OR8B2: variants seen among roughly 807,000 people sequenced by gnomAD.
The protein encoded by OR8B2 is olfactory receptor family 8 subfamily B member 2.
For synonymous variants in OR8B2, 98 were observed against 138.2 expected, an observed-to-expected ratio of 0.71 and a Z score of 2.04; for missense variants, 304 against 379.6, an observed-to-expected ratio of 0.80 and a Z score of 1.65.
the OR8B2 span, among the ~76,000 whole-genome samples, chr11:124,394,292 TA>T: frequency 6.6e-6 from 1 of 150,528 alleles, no homozygotes; most frequent in East Asian, 1.9e-4. Flanking sequence ...AATAAATAAA[TA>T]AAATCAGCTA....
At chr11:124,388,279 A>G (rs1860732375), upstream of OR8B2, among the ~76,000 whole-genome samples, 1 of 145,334 alleles carries the variant, frequency 6.9e-6, no homozygotes, top group Non-Finnish European at 1.5e-5. Flanking sequence ...TGCCCTGGCC[A>G]GAACTTCCAA....
rs1283755675 is a variant in OR8B2, at chr11:124,383,182, G to A, written c.162C>T (p.His54=). The A allele has an allele frequency of 6.2e-7, 1 of 1,613,966 alleles. No individual in the cohort carries two copies. Among genetic ancestry groups the A allele is most frequent in the Non-Finnish European group, 8.5e-7 (1 of 1,179,858 alleles). ...GLITLFGLNS[H]LHTPMYYFLF... is the part of the protein sequence containing the mutation. The stretch of plus-strand genomic sequence containing the variant: ...GGAAATAGTACATTGGTGTGTGGAG[G>A]TGAGAATTTAGACCGAAAAGAGTGA... Residue 54 remains histidine (H), a synonymous_variant, in exon 2 of 2, where the codon CAC becomes CAT. Coordinates refer to ENST00000641451, the MANE Select transcript of OR8B2 (RefSeq NM_001005468.2).
the OR8B2 span, among the ~76,000 whole-genome samples, chr11:124,392,844 C>T: frequency 9.3e-5 from 14 of 150,588 alleles, no homozygotes; most frequent in East Asian, 1.7e-3. Flanking sequence ...GGAGGCATCA[C>T]GCTACCTGAC....
chr11:124,388,270 G>T (rs2134195816), upstream of OR8B2, among the ~76,000 whole-genome samples: 1 of 143,140 alleles, frequency 7.0e-6, no homozygotes, highest in African/African-American at 2.7e-5. Context: ...CTGCCTGATT[G>T]CCCTGGCCAG....
At chr11:124,384,120 A>G (rs1860655405) in intron 1 of OR8B2, among the ~76,000 whole-genome samples, 1 of 152,150 alleles carries the variant, frequency 6.6e-6, no homozygotes, top group Admixed American at 6.6e-5. Flanking sequence ...TATGTATAGC[A>G]CATGTCAATA....
At chr11:124,389,820 G>C in the OR8B2 span, among the ~76,000 whole-genome samples, 1 of 152,084 alleles carries the variant, frequency 6.6e-6, no homozygotes, top group African/African-American at 2.4e-5. Flanking sequence ...TATCAGAAAA[G>C]ATCCTGCCAA....
chr11:124,385,082 T>C (rs546342314), upstream of OR8B2, among the ~76,000 whole-genome samples: 1 of 152,244 alleles, frequency 6.6e-6, no homozygotes, highest in South Asian at 2.1e-4. Flanking sequence ...GATTTCAGAT[T>C]TTTTAAATAA....
At chr11:124,394,995 A>T in the OR8B2 span, among the ~76,000 whole-genome samples, 6 of 152,078 alleles carry the variant, frequency 3.9e-5, no homozygotes, top group Admixed American at 3.9e-4. Flanking sequence ...TGAGGCCAGG[A>T]GTTAAATTTT....
the OR8B2 span, among the ~76,000 whole-genome samples, chr11:124,393,132 T>C: frequency 6.8e-6 from 1 of 146,988 alleles, no homozygotes; most frequent in Admixed American, 6.7e-5. Flanking sequence ...ATTAAAGACT[T>C]AAACATTAGA....
the OR8B2 span, among the ~76,000 whole-genome samples, chr11:124,390,076 A>G: frequency 6.6e-6 from 1 of 152,124 alleles, no homozygotes; most frequent in Non-Finnish European, 1.5e-5. Context: ...GTATGGAAAT[A>G]CCCCACAGCT....
At chr11:124,384,868 G>T (rs1443745028), upstream of OR8B2, among the ~76,000 whole-genome samples, 2 of 152,184 alleles carry the variant, frequency 1.3e-5, no homozygotes, top group Non-Finnish European at 2.9e-5. Flanking sequence ...GTATAAAGAT[G>T]TAAACATAAA....
chr11:124,391,923 T>G, the OR8B2 span, among the ~76,000 whole-genome samples: 1 of 142,568 alleles, frequency 7.0e-6, no homozygotes, highest in African/African-American at 2.8e-5. Context: ...CATGATCAAG[T>G]GGGCTTCATC....
the OR8B2 span, chr11:124,395,643 ATGC>A: frequency 6.6e-6 from 1 of 152,208 alleles, no homozygotes; most frequent in African/African-American, 2.4e-5. Context: ...AAAATTTTCA[ATGC>A]TGTTTTAGAT....
the OR8B2 span, among the ~76,000 whole-genome samples, chr11:124,391,222 G>T: frequency 6.6e-6 from 1 of 151,614 alleles, no homozygotes; most frequent in African/African-American, 2.4e-5. Context: ...AAAAGCAAGA[G>T]CAAACACATT....
At chr11:124,388,672 A>G (rs1167690751), upstream of OR8B2, among the ~76,000 whole-genome samples, 1 of 152,108 alleles carries the variant, frequency 6.6e-6, no homozygotes, top group African/African-American at 2.4e-5. Flanking sequence ...TCATCAAATG[A>G]CCTTCTTTTT....
intron 1 of OR8B2, among the ~76,000 whole-genome samples, chr11:124,383,713 A>G (rs745409550): frequency 5.3e-5 from 8 of 152,112 alleles, no homozygotes; most frequent in African/African-American, 1.7e-4. Context: ...CCATTATTCT[A>G]CTAGACACTT....
upstream of OR8B2, among the ~76,000 whole-genome samples, chr11:124,387,240 T>C (rs558384092): frequency 6.6e-6 from 1 of 152,282 alleles, no homozygotes; most frequent in African/African-American, 2.4e-5. Flanking sequence ...TTTCTTTTCT[T>C]GTGCAGAAGC....
the OR8B2 span, chr11:124,396,695 A>T: frequency 6.2e-7 from 1 of 1,613,872 alleles, no homozygotes; most frequent in Non-Finnish European, 8.5e-7. Context: ...TGACAATGAA[A>T]ACATAAGAAA....
upstream of OR8B2, among the ~76,000 whole-genome samples, chr11:124,384,812 G>A (rs1196334726): frequency 6.6e-6 from 1 of 152,064 alleles, no homozygotes; most frequent in Non-Finnish European, 1.5e-5. Context: ...TTTCATCAGG[G>A]ATTATACAAT....
Sources: gnomAD v4.1 joint callset for allele counts (sites outside exome capture counted in the v4.1 genomes callset) on GRCh38, gnomAD v4.1.1 for gene constraint, MANE v1.5 for transcripts, NCBI Gene and HGNC (gene_info 2026-07-23, HGNC 2026-07-21) for gene names.